Variants in GTF2I observed in about 807,000 individuals in gnomAD.
The protein encoded by GTF2I is general transcription factor II-I.
A neutral mutation model predicts 67.6 loss-of-function variants in GTF2I; 12 were observed. The observed-to-expected ratio is 0.18, with a 90% CI of 0.11 to 0.29. The LOEUF (loss-of-function observed/expected upper bound fraction) is 0.29, where lower values mean the gene tolerates loss of function less well. GTF2I is among the 10% of genes least tolerant of loss of function. The probability of loss-of-function intolerance (pLI) is 1.00; values close to 1 mark genes in which losing one functional copy is unlikely to be tolerated. For missense variants in GTF2I, 271 were observed against 580.1 expected (o/e 0.47, Z 5.47); for synonymous variants, 149 against 197.0 (o/e 0.76, Z 2.04).
At chr7:74,660,961 C>T (rs938406958) in intron 1 of GTF2I, among the ~76,000 whole-genome samples, 5 of 152,212 alleles carry the variant, frequency 3.3e-5, no homozygotes, top group Non-Finnish European at 7.3e-5. Flanking sequence ...TGAGTGTCTT[C>T]CGTGCCCCCT....
At chr7:74,705,948 G>T (rs1476559681) in intron 7 of GTF2I, among the ~76,000 whole-genome samples, 1 of 151,928 alleles carries the variant, frequency 6.6e-6, no homozygotes, top group Admixed American at 6.6e-5. Flanking sequence ...ACTAAGTTCA[G>T]TTGATAACTC....
At chr7:74,737,596 G>A (rs1309332773) in intron 18 of GTF2I, among the ~76,000 whole-genome samples, 74 of 125,326 alleles carry the variant, frequency 5.9e-4, no homozygotes, top group African/African-American at 2.0e-3. Flanking sequence ...GGTTAGTTTG[G>A]GTGCGGGGTT....
intron 1 of GTF2I, among the ~76,000 whole-genome samples, chr7:74,672,266 C>T (rs1221915674): frequency 7.9e-5 from 12 of 152,136 alleles, no homozygotes; most frequent in African/African-American, 2.4e-4. Context: ...TGGCCGGGCA[C>T]GATGGCTCTC....
Position 74,689,186 on chromosome 7 carries a change from A to C in GTF2I, c.58A>C (p.Arg20=), listed in dbSNP as rs373523357. The C allele has an allele frequency of 7.9e-5, 128 of 1,612,598 alleles. No homozygotes were observed. The highest frequency in any genetic ancestry group is 1.0e-4 in the Non-Finnish European group (123 of 1,178,910). The stretch of plus-strand genomic sequence containing the variant: ...TGAAGATGAGGAGTCCTCGGAGAGC[A>C]GGATGGTGGTGACATTCCTCATGTC... ...PVEDEESSES[R]MVVTFLMSAL... The change falls in exon 2 of 35, where the codon AGG becomes CGG. Residue 20 remains arginine (R), a synonymous_variant. Coordinates refer to ENST00000573035, the MANE Select transcript of GTF2I (RefSeq NM_032999.4).
chr7:74,703,906 G>A lies in GTF2I; in HGVS notation c.587-1258G>A, dbSNP rs1339130863. Reference sequence around the variant, plus strand: ...TCCAGGACAATTTGCAGAAAAGACCGTCCTTTCCCTCAAGATATCCTTGTT... The same window carrying A: ...TCCAGGACAATTTGCAGAAAAGACCATCCTTTCCCTCAAGATATCCTTGTT... On this transcript the variant is annotated intron_variant, in intron 6 of 34. Coordinates refer to ENST00000573035, the MANE Select transcript of GTF2I (RefSeq NM_032999.4). Among the ~76,000 whole-genome samples, 8 of 152,176 alleles carry A rather than the reference G, an allele frequency of 5.3e-5. No individual in the cohort carries two copies. The East Asian group carries it at 5.8e-4, about 11-fold the overall frequency.
At position 74,720,098 on chromosome 7, in the gene GTF2I, T is replaced by C. The variant is rs114917755; in HGVS notation, c.943+1157T>C. Among the ~76,000 whole-genome samples the C allele has an allele frequency of 1.9e-3, 296 of 152,342 alleles. 2 individuals are homozygous for C. Among genetic ancestry groups the C allele is most frequent in the African/African-American group, 6.5e-3 (270 of 41,586 alleles). ...ATACTGAGGGATGTATGCCAGCTTA[T>C]TGTGTCTACTTAGAGAAATAATTGC... On this transcript the variant is annotated intron_variant, in intron 12 of 34. Transcript: ENST00000573035.
At position 74,715,846 on chromosome 7, in the gene GTF2I, A is replaced by G. The variant is rs368758956; in HGVS notation, c.823+930A>G. 7.4e-4 allele frequency among the ~76,000 whole-genome samples: 112 copies of G among 152,236 alleles called. 3 individuals carry two copies. The South Asian group carries it at 0.022, about 30-fold the overall frequency. On this transcript the variant is annotated intron_variant, in intron 10 of 34. Coordinates refer to ENST00000573035, the MANE Select transcript of GTF2I (RefSeq NM_032999.4). Reference sequence around the variant, plus strand: ...AAGCTAGATACTGAGAACCAAAAAGATGTGACCTCAGTATGGGACTTTTAA... The same window carrying G: ...AAGCTAGATACTGAGAACCAAAAAGGTGTGACCTCAGTATGGGACTTTTAA...
Position 74,658,283 on chromosome 7 carries a change from C to A in GTF2I, c.-6+215C>A, listed in dbSNP as rs1221978820. On this transcript the variant is annotated intron_variant, in intron 1 of 34. Coordinates refer to ENST00000573035, the MANE Select transcript of GTF2I (RefSeq NM_032999.4). ...CGCCTCGCCGGGTCTCGAGCCCCGC[C>A]GGCCTTGGCAGTGGCCGAAACGAGG... 2.0e-5 allele frequency among the ~76,000 whole-genome samples: 3 copies of A among 150,090 alleles called. No homozygotes were observed. In the South Asian group the frequency reaches 6.2e-4, roughly 31 times the overall value.
At chr7:74,670,277 A>G (rs1032331850) in intron 1 of GTF2I, among the ~76,000 whole-genome samples, 1 of 152,178 alleles carries the variant, frequency 6.6e-6, no homozygotes, top group African/African-American at 2.4e-5. Context: ...TTTGGGATTA[A>G]AGAATCCCAG....
At position 74,745,542 on chromosome 7, in the gene GTF2I, C is replaced by A. The variant is rs1191497044; in HGVS notation, c.1935-341C>A. ...CAGGTGATCCACCCGCCTCAGCCTC[C>A]CAGAATGCTGGGATTACAGGCATGA... On this transcript the variant is annotated intron_variant, in intron 21 of 34. Transcript: ENST00000573035. Among the ~76,000 whole-genome samples, 17 of 134,412 alleles carry A rather than the reference C, an allele frequency of 1.3e-4. No individual in the cohort carries two copies. In the East Asian group the frequency reaches 1.4e-3, roughly 11 times the overall value. The allele number at this position is 134,412 out of a possible 152,430, so 88.2% of individuals were successfully genotyped here.
At chr7:74,719,103 G>A (rs1226438921) in intron 12 of GTF2I, among the ~76,000 whole-genome samples, 162 bp downstream of exon 12, 1 of 152,166 alleles carries the variant, frequency 6.6e-6, no homozygotes, top group African/African-American at 2.4e-5. Flanking sequence ...CAGTGCTTTG[G>A]GAGTTTTAGA....
At chr7:74,676,520 C>T (rs1332817389) in intron 1 of GTF2I, among the ~76,000 whole-genome samples, 4 of 151,836 alleles carry the variant, frequency 2.6e-5, no homozygotes, top group African/African-American at 9.7e-5. Context: ...ACTCAGTGGA[C>T]ATAATTAAAA....
At chr7:74,724,694 G>A (rs1793531712) in intron 12 of GTF2I, among the ~76,000 whole-genome samples, 1 of 152,152 alleles carries the variant, frequency 6.6e-6, no homozygotes, top group South Asian at 2.1e-4. Flanking sequence ...ACCGAGGTGG[G>A]TGGATCACCT....
At chr7:74,717,118 A>AT in intron 11 of GTF2I, 168 bp downstream of exon 11, 6 of 866,298 alleles carry the variant, frequency 6.9e-6, no homozygotes, top group Non-Finnish European at 1.0e-5. Context: ...AAGATGTAAT[A>AT]TACTTCTTTG....
intron 1 of GTF2I, among the ~76,000 whole-genome samples, chr7:74,661,645 A>C (rs1258898743): frequency 1.3e-5 from 2 of 151,752 alleles, no homozygotes; most frequent in African/African-American, 4.8e-5. Flanking sequence ...TCACCACTGC[A>C]CTCCAGCCTG....
intron 1 of GTF2I, among the ~76,000 whole-genome samples, chr7:74,685,728 C>T (rs1787656257): frequency 2.0e-5 from 3 of 151,924 alleles, no homozygotes; most frequent in African/African-American, 4.8e-5. Context: ...GAACGTGCCA[C>T]TGCACTCCAG....
intron 1 of GTF2I, among the ~76,000 whole-genome samples, chr7:74,672,113 A>G (rs978030494): frequency 5.3e-5 from 8 of 152,146 alleles, no homozygotes; most frequent in African/African-American, 1.9e-4. Flanking sequence ...TCATATATAT[A>G]TGAGTTAAAA....
At chr7:74,681,206 G>A (rs1037868676) in intron 1 of GTF2I, among the ~76,000 whole-genome samples, 2 of 151,948 alleles carry the variant, frequency 1.3e-5, no homozygotes, top group South Asian at 2.1e-4. Flanking sequence ...AGGCCAAGGC[G>A]GGCAGATCAC....
intron 1 of GTF2I, 167 bp from the exon 2 acceptor site, chr7:74,688,957 C>T: frequency 1.8e-6 from 1 of 542,058 alleles, no homozygotes. Context: ...GATTCTTTAT[C>T]TTATGAGGGT....
Sources: gnomAD v4.1 joint callset for allele counts (sites outside exome capture counted in the v4.1 genomes callset) on GRCh38, gnomAD v4.1.1 for gene constraint, MANE v1.5 for transcripts, NCBI Gene and HGNC (gene_info 2026-07-23, HGNC 2026-07-21) for gene names.